Variants in TENM4 observed in about 807,000 individuals in gnomAD.
TENM4 encodes the protein teneurin transmembrane protein 4, also known as teneurin-4.
A neutral mutation model predicts 243.3 loss-of-function variants in TENM4; 82 were observed. That is an observed-to-expected ratio of 0.34 (90% confidence interval 0.28 to 0.40). The LOEUF is 0.40. Among genes scored for constraint, TENM4 ranks in the 10% least tolerant of loss-of-function variants. The pLI is 1.00. For synonymous variants in TENM4, 1,412 were observed against 1,456.3 expected, an observed-to-expected ratio of 0.97 and a Z score of 0.69; for missense variants, 3,138 against 3,673.3, an observed-to-expected ratio of 0.85 and a Z score of 3.77.
At chr11:79,396,442 C>A (rs1212457554) in intron 1 of TENM4, among the ~76,000 whole-genome samples, 1 of 152,186 alleles carries the variant, frequency 6.6e-6, no homozygotes, top group African/African-American at 2.4e-5. Flanking sequence ...ATTCAGGGTT[C>A]AGTCCCTCCT....
chr11:79,197,894 A>G (rs774823409), intron 3 of TENM4, among the ~76,000 whole-genome samples: 21 of 152,042 alleles, frequency 1.4e-4, no homozygotes, highest in Non-Finnish European at 2.8e-4. Flanking sequence ...TCCCGGTGGA[A>G]GGAAAGGAGA....
At position 79,012,300 on chromosome 11, in the gene TENM4, C is replaced by T. The variant is rs767295805; in HGVS notation, c.493+52438G>A. Among the ~76,000 whole-genome samples, 12 of 152,280 alleles carry T rather than the reference C, an allele frequency of 7.9e-5. No homozygotes were observed. The South Asian group carries it at 1.0e-3, about 13-fold the overall frequency. On this transcript the variant is annotated intron_variant, in intron 6 of 33. Transcript: ENST00000278550. ...TTAGATTCTTCGCCTTGTGGTAGGGCAAGGTTTTCCAAAGCCAAGGTCCTG... is the reference window on the plus strand; with the variant it reads ...TTAGATTCTTCGCCTTGTGGTAGGGTAAGGTTTTCCAAAGCCAAGGTCCTG...
chr11:79,379,463 G>T (rs908395021), intron 1 of TENM4, among the ~76,000 whole-genome samples: 2 of 152,184 alleles, frequency 1.3e-5, no homozygotes, highest in Non-Finnish European at 2.9e-5. Flanking sequence ...GATTGACGTG[G>T]TTCAGGGAGA....
chr11:79,223,587 C>T (rs1422889035), intron 2 of TENM4, among the ~76,000 whole-genome samples: 1 of 152,146 alleles, frequency 6.6e-6, no homozygotes, highest in Non-Finnish European at 1.5e-5. Flanking sequence ...CAAACTCTCC[C>T]CTATAGCAAG....
intron 3 of TENM4, among the ~76,000 whole-genome samples, chr11:79,164,323 A>AC (rs1565231114): frequency 1.6e-4 from 19 of 116,502 alleles, no homozygotes; most frequent in African/African-American, 8.0e-4. Context: ...ATATACTAGT[A>AC]TATATAGTAT....
chr11:79,307,862 C>A (rs1856652933), intron 1 of TENM4, among the ~76,000 whole-genome samples: 1 of 152,216 alleles, frequency 6.6e-6, no homozygotes, highest in African/African-American at 2.4e-5. Context: ...GAGATCTGAG[C>A]AGCACCGTGC....
intron 1 of TENM4, among the ~76,000 whole-genome samples, chr11:79,364,348 A>T (rs1041537869): frequency 3.9e-5 from 6 of 152,130 alleles, no homozygotes; most frequent in African/African-American, 1.2e-4. Flanking sequence ...CCTGGAGGAA[A>T]GGGTTCCTCT....
intron 9 of TENM4, among the ~76,000 whole-genome samples, chr11:78,880,547 G>A (rs1474706728): frequency 1.3e-5 from 2 of 150,258 alleles, no homozygotes; most frequent in African/African-American, 5.0e-5. Flanking sequence ...TATCCACACT[G>A]ACTATGCTGA....
At chr11:79,313,699 C>A (rs539048207) in intron 1 of TENM4, among the ~76,000 whole-genome samples, 2 of 152,192 alleles carry the variant, frequency 1.3e-5, no homozygotes, top group Non-Finnish European at 2.9e-5. Context: ...TCAGACTCAA[C>A]AAATGGCCTC....
chr11:78,663,014 C>T (rs539630222), intron 32 of TENM4, among the ~76,000 whole-genome samples: 109 of 152,212 alleles, frequency 7.2e-4, no homozygotes, highest in Non-Finnish European at 1.3e-3. Flanking sequence ...GTTCAGGTAA[C>T]CAGAGAGCAG....
intron 3 of TENM4, among the ~76,000 whole-genome samples, chr11:79,186,282 A>G (rs1429267412): frequency 6.6e-6 from 1 of 152,182 alleles, no homozygotes; most frequent in Non-Finnish European, 1.5e-5. Flanking sequence ...AAGAGAAATG[A>G]GACAGGAATC....
chr11:79,250,836 G>A (rs947304243), intron 2 of TENM4, among the ~76,000 whole-genome samples: 15 of 152,312 alleles, frequency 9.8e-5, no homozygotes, highest in Middle Eastern at 3.4e-3. Flanking sequence ...ATAGGTGTCT[G>A]GCTATACAAT....
chr11:78,931,086 G>C (rs1856659276), intron 6 of TENM4, among the ~76,000 whole-genome samples: 1 of 152,104 alleles, frequency 6.6e-6, no homozygotes, highest in South Asian at 2.1e-4. Context: ...CTCTTCCCCG[G>C]CCTGTTAACT....
chr11:78,922,955 T>C lies in TENM4; in HGVS notation c.494-19432A>G, dbSNP rs564540594. Among the ~76,000 whole-genome samples the C allele has an allele frequency of 7.9e-5, 12 of 152,322 alleles. No individual in the cohort carries two copies. In the South Asian group the frequency reaches 2.3e-3, roughly 29 times the overall value. On this transcript the variant is annotated intron_variant, in intron 6 of 33. Transcript: ENST00000278550. Reference sequence around the variant, plus strand: ...TACCACTATTTCCTCAGACCAGCGATATCAGCTCCACCAAGCACTCCTTTC... The same window carrying C: ...TACCACTATTTCCTCAGACCAGCGACATCAGCTCCACCAAGCACTCCTTTC...
chr11:79,101,261 T>C (rs776047784), intron 4 of TENM4, among the ~76,000 whole-genome samples: 2 of 152,182 alleles, frequency 1.3e-5, no homozygotes, highest in Non-Finnish European at 2.9e-5. Context: ...AAAAGAGATA[T>C]AGGAGAAGCT....
rs546718655 is a variant in TENM4 at position 78,916,894 on chromosome 11, T to C, written c.494-13371A>G. On this transcript the variant is annotated intron_variant, in intron 6 of 33. Coordinates refer to ENST00000278550, the MANE Select transcript of TENM4 (RefSeq NM_001098816.3). ...TGCCCATGGTCACACTGCTGGGAAA[T>C]GATAAAAGCTAAGATCCCAATACAA... Among the ~76,000 whole-genome samples, 18 of 152,270 alleles carry C rather than the reference T, an allele frequency of 1.2e-4. No homozygotes were observed. The South Asian group carries it at 3.5e-3, about 30-fold the overall frequency.
chr11:78,786,812 G>C (rs1412588567), intron 16 of TENM4, 86 bp downstream of exon 16: 1 of 1,526,318 alleles, frequency 6.6e-7, no homozygotes, highest in Non-Finnish European at 8.8e-7. Context: ...CATGCGATGA[G>C]GGCCCAGGCT....
intron 3 of TENM4, among the ~76,000 whole-genome samples, chr11:79,203,737 G>A (rs71476441): frequency 0.041 from 6,222 of 152,254 alleles, 252 homozygotes; most frequent in African/African-American, 0.1. Flanking sequence ...TCTATCTGCA[G>A]TTGGTTGAAT....
intron 6 of TENM4, among the ~76,000 whole-genome samples, chr11:78,913,453 T>C (rs554724481): frequency 6.6e-6 from 1 of 152,166 alleles, no homozygotes; most frequent in Non-Finnish European, 1.5e-5. Flanking sequence ...CTGGGAAAGC[T>C]TTCTGGCTGT....
Sources: allele counts gnomAD v4.1 joint callset (sites outside exome capture counted in the v4.1 genomes callset), GRCh38; gene constraint gnomAD v4.1.1; transcripts MANE v1.5; gene names NCBI Gene and HGNC (gene_info 2026-07-23, HGNC 2026-07-21).